Variants in PDE2A observed in about 807,000 individuals in gnomAD.
PDE2A encodes the protein cGMP-dependent 3',5'-cyclic phosphodiesterase.
Under a neutral mutation model 133.6 loss-of-function variants are expected in PDE2A, and 53 were observed. The ratio of observed to expected loss-of-function variants is 0.40; its 90% CI spans 0.32 to 0.50. The LOEUF (loss-of-function observed/expected upper bound fraction) is 0.50. PDE2A is among the 20% of genes least tolerant of loss of function. The pLI is 0.73. For missense variants in PDE2A, 796 were observed against 1,232.4 expected (o/e 0.65, Z 5.30); for synonymous variants, 491 against 490.2 (o/e 1.00, Z -0.02).
intron 26 of PDE2A, 26 bp downstream of exon 26, chr11:72,579,508 C>T (rs1221219088): frequency 8.8e-6 from 11 of 1,243,442 alleles, no homozygotes; most frequent in Non-Finnish European, 1.2e-5. Context: ...CCCCCTCAAT[C>T]CCCACCCCAC....
In PDE2A at chr11:72,589,355, G is replaced by A. The variant is rs919292164; in HGVS notation, c.874-115C>T. On this transcript the variant is annotated intron_variant, in intron 11 of 30. Transcript: ENST00000334456. Reference sequence around the variant, plus strand: ...AAAGAACCCTTCAGTCAGTCCAAATGGTGGACAGGGTCAGCATTGATGAGC... The same window carrying A: ...AAAGAACCCTTCAGTCAGTCCAAATAGTGGACAGGGTCAGCATTGATGAGC... 2.7e-5 allele frequency: 21 copies of A among 773,034 alleles called. No individual in the cohort carries two copies. The African/African-American group carries it at 2.9e-4, about 11-fold the overall frequency. 47.9% of individuals were successfully genotyped at this position (773,034 alleles called of 1,614,324 possible). A position where few individuals can be genotyped will look rare whatever the true frequency, so the allele number is the denominator to read the frequency against.
intron 4 of PDE2A, among the ~76,000 whole-genome samples, chr11:72,599,243 A>G (rs1267317749): frequency 2.0e-5 from 3 of 151,980 alleles, no homozygotes; most frequent in African/African-American, 7.3e-5. Flanking sequence ...ATCTGTCCTC[A>G]GCCTTTCTTC....
intron 23 of PDE2A, 71 bp downstream of exon 23, chr11:72,581,286 A>AG: frequency 2.7e-6 from 4 of 1,469,066 alleles, no homozygotes; most frequent in Non-Finnish European, 3.7e-6. Context: ...CCTGACACAC[A>AG]GGGGGTGCTT....
Position 72,584,186 on chromosome 11 carries a change from C to CA in PDE2A, c.1650+14dup. ...CCCCTATCACCCCACACCCCACTCC[C>CA]AACCCCGCCCTCACATGGGCGATGC... On this transcript the variant is annotated intron_variant, in intron 19 of 30. Transcript: ENST00000334456. The CA allele has an allele frequency of 3.5e-6, 5 of 1,441,922 alleles. No individual in the cohort carries two copies. The highest frequency in any genetic ancestry group is 4.9e-6 in the Non-Finnish European group (5 of 1,027,758). 89.3% of individuals were successfully genotyped at this position (1,441,922 alleles called of 1,614,324 possible).
At chr11:72,673,504 C>T (rs1049015853) in intron 1 of PDE2A, among the ~76,000 whole-genome samples, 1 of 152,112 alleles carries the variant, frequency 6.6e-6, no homozygotes, top group Non-Finnish European at 1.5e-5. Flanking sequence ...CCCCCCTGCA[C>T]GTGGACACAC....
chr11:72,624,790 C>T (rs459309), intron 2 of PDE2A, among the ~76,000 whole-genome samples: 91,056 of 152,110 alleles, frequency 0.6, 28,253 homozygotes, highest in Middle Eastern at 0.77. Flanking sequence ...TACACATCTG[C>T]TATCATGGAG....
chr11:72,619,664 T>C (rs911956124), intron 2 of PDE2A, among the ~76,000 whole-genome samples: 1 of 152,174 alleles, frequency 6.6e-6, no homozygotes, highest in African/African-American at 2.4e-5. Flanking sequence ...TCTGGGGTGC[T>C]GTGAATGCGC....
chr11:72,614,649 CG>C (rs1261948054), intron 2 of PDE2A, among the ~76,000 whole-genome samples: 1 of 152,142 alleles, frequency 6.6e-6, no homozygotes, highest in Admixed American at 6.5e-5. Context: ...TGCTGCTGGT[CG>C]GGGGACCACA....
intron 4 of PDE2A, among the ~76,000 whole-genome samples, chr11:72,604,609 AG>A (rs899323243): frequency 2.0e-5 from 3 of 152,180 alleles, no homozygotes; most frequent in Admixed American, 6.5e-5. Flanking sequence ...AGGCACAGAG[AG>A]GTTGTGTCAT....
At chr11:72,630,009 C>G (rs568864951) in intron 2 of PDE2A, among the ~76,000 whole-genome samples, 58 of 152,282 alleles carry the variant, frequency 3.8e-4, no homozygotes, top group Non-Finnish European at 7.5e-4. Flanking sequence ...CTCTCACACA[C>G]ACACACACCC....
intron 1 of PDE2A, among the ~76,000 whole-genome samples, chr11:72,656,441 G>C (rs1289116006): frequency 1.3e-5 from 2 of 152,124 alleles, no homozygotes. Context: ...ACGGAGGAAG[G>C]AGATGGAGCA....
At chr11:72,653,765 G>A (rs1465771014) in intron 1 of PDE2A, among the ~76,000 whole-genome samples, 1 of 152,212 alleles carries the variant, frequency 6.6e-6, no homozygotes, top group Non-Finnish European at 1.5e-5. Context: ...GCCCATCAGT[G>A]GCATGGGGGT....
rs114842660 is a variant in PDE2A at position 72,663,415 on chromosome 11, G to T, written c.71+10722C>A. Among the ~76,000 whole-genome samples, 1,285 of 152,324 alleles carry T rather than the reference G, an allele frequency of 8.4e-3. 24 individuals carry two copies. Among genetic ancestry groups the T allele is most frequent in the African/African-American group, 0.03 (1,234 of 41,566 alleles). ...AATGCGCATATGAGTCCACTCAGGA[G>T]ACCTCAGTGAATGTGACAAAGTGAG... On this transcript the variant is annotated intron_variant, in intron 1 of 30. Coordinates refer to ENST00000334456, the MANE Select transcript of PDE2A (RefSeq NM_002599.5).
chr11:72,577,519 C>A lies in PDE2A; in HGVS notation c.2691G>T (p.Lys897Asn). The change falls in exon 31 of 31, where the codon AAG becomes AAT. Residue 897 changes from lysine (K) to asparagine (N), a missense_variant. Transcript: ENST00000334456. ...RVASNREHWT[K>N]VSHKFTIRGL... ...CGCGGATGGTGAACTTGTGGGACAC[C>A]TTGGTCCAGTGCTCACGGTTGGAGG... The A allele has an allele frequency of 6.2e-7, 1 of 1,613,000 alleles. No homozygotes were observed. Among genetic ancestry groups the A allele is most frequent in the Non-Finnish European group, 8.5e-7 (1 of 1,180,016 alleles).
intron 19 of PDE2A, 66 bp from the exon 20 acceptor site, chr11:72,583,581 C>A: frequency 9.1e-7 from 1 of 1,095,772 alleles, no homozygotes; most frequent in Non-Finnish European, 1.4e-6. Context: ...ATGCCCAGGA[C>A]TGGGATGAAG....
At chr11:72,580,192 G>T (rs1855658942) in intron 25 of PDE2A, among the ~76,000 whole-genome samples, 1 of 152,152 alleles carries the variant, frequency 6.6e-6, no homozygotes, top group South Asian at 2.1e-4. Flanking sequence ...CTCCTACTCT[G>T]TGCCAAGCCC....
chr11:72,595,035 GAC>G (rs34720227), intron 6 of PDE2A, among the ~76,000 whole-genome samples: 3,565 of 148,604 alleles, frequency 0.024, 107 homozygotes, highest in African/African-American at 0.066. Flanking sequence ...GCGTCCCTGA[GAC>G]ACACACACAC....
At chr11:72,581,751 AC>A (rs1855733326) in intron 22 of PDE2A, 125 bp downstream of exon 22, 2 of 935,926 alleles carry the variant, frequency 2.1e-6, no homozygotes, top group East Asian at 2.5e-5. Flanking sequence ...GATCCTCCCC[AC>A]CCCCATAAGA....
At chr11:72,668,424 C>T (rs568416015) in intron 1 of PDE2A, 3 of 717,990 alleles carry the variant, frequency 4.2e-6, no homozygotes, top group Non-Finnish European at 7.8e-6. Context: ...AAGCTGTAAA[C>T]TTCTGTGTGA....
Sources: gnomAD v4.1 joint callset for allele counts (sites outside exome capture counted in the v4.1 genomes callset) on GRCh38, gnomAD v4.1.1 for gene constraint, MANE v1.5 for transcripts, NCBI Gene and HGNC (gene_info 2026-07-23, HGNC 2026-07-21) for gene names.